The following ACBD6 variants were observed in gnomAD, a reference collection of about 807,000 sequenced individuals.
ACBD6 encodes acyl-CoA-binding domain-containing protein 6.
In ACBD6, 28 loss-of-function variants were observed where a neutral mutation model predicts 37.2. That is an observed-to-expected ratio of 0.75 (90% CI 0.56 to 1.03). ACBD6 has a LOEUF of 1.03. Among genes scored for constraint, ACBD6 ranks in the 50% least tolerant of loss-of-function variants. The pLI is 0.00. For missense variants in ACBD6, 340 were observed against 337.4 expected, an observed-to-expected ratio of 1.01 and a Z score of -0.06; for synonymous variants, 113 against 126.8, an observed-to-expected ratio of 0.89 and a Z score of 0.73.
At chr1:180,277,905 C>T (rs1025476022) in intron 9 of ACBD6, 4 of 151,988 alleles carry the variant, frequency 2.6e-5, no homozygotes, top group Middle Eastern at 3.4e-3. Flanking sequence ...AACATGAAAC[C>T]TAGTAAGATA....
At chr1:180,286,121 T>A (rs1018827786), downstream of ACBD6, among the ~76,000 whole-genome samples, 6 of 152,160 alleles carry the variant, frequency 3.9e-5, no homozygotes, top group Non-Finnish European at 7.4e-5. Flanking sequence ...CACAGGGAGA[T>A]GATCTATAGA....
chr1:180,410,968 A>T (rs1284503557), intron 5 of ACBD6, among the ~76,000 whole-genome samples: 1 of 152,200 alleles, frequency 6.6e-6, no homozygotes, highest in Non-Finnish European at 1.5e-5. Context: ...TGATGGGAGG[A>T]GGTCAAAATA....
At chr1:180,469,849 C>T (rs1187021610) in intron 3 of ACBD6, among the ~76,000 whole-genome samples, 3 of 152,090 alleles carry the variant, frequency 2.0e-5, no homozygotes, top group Admixed American at 1.3e-4. Context: ...AGTTAAGTAT[C>T]ATATTTGATA....
In ACBD6 at chr1:180,502,188, C is replaced by G. The variant is rs1395157331; in HGVS notation, c.79G>C (p.Glu27Gln). Residue 27 changes from glutamate (E) to glutamine (Q), a missense_variant, in exon 1 of 8, where the codon GAG (glutamate) becomes CAG (glutamine). Glu to Gln is a conservative substitution (Grantham distance 29). Transcript: ENST00000367595. ...TCAGGGCTATGGGGGAACTCCACCT[C>G]CCCGGAGTCGTCCCCTGAGCTCAGC... ...GELSSGDDSG[E>Q]VEFPHSPEIE... 6.2e-7 allele frequency: 1 copy of G among 1,613,974 alleles called. No individual in the cohort carries two copies. The highest frequency in any genetic ancestry group is 8.5e-7 in the Non-Finnish European group (1 of 1,180,054).
At chr1:180,451,217 C>T (rs969922259) in intron 3 of ACBD6, among the ~76,000 whole-genome samples, 3 of 152,116 alleles carry the variant, frequency 2.0e-5, no homozygotes, top group Non-Finnish European at 4.4e-5. Context: ...ATTTCAGACC[C>T]ACTAGGATGG....
At chr1:180,335,576 A>G (rs1651677979) in intron 6 of ACBD6, among the ~76,000 whole-genome samples, 1 of 152,134 alleles carries the variant, frequency 6.6e-6, no homozygotes. Flanking sequence ...TGTAAAGACC[A>G]TCGAGGCTAT....
intron 3 of ACBD6, among the ~76,000 whole-genome samples, chr1:180,447,901 C>CAA (rs763612989): frequency 7.1e-6 from 1 of 140,886 alleles, no homozygotes; most frequent in Non-Finnish European, 1.6e-5. Flanking sequence ...CTCATGTGTA[C>CAA]AAAAAAAAAA....
intron 6 of ACBD6, among the ~76,000 whole-genome samples, chr1:180,378,285 T>TA (rs1653513937): frequency 6.6e-6 from 1 of 152,106 alleles, no homozygotes; most frequent in South Asian, 2.1e-4. Context: ...ACAAACTAAT[T>TA]AGTTATCTTC....
intron 7 of ACBD6, among the ~76,000 whole-genome samples, chr1:180,312,395 T>TA (rs1033862643): frequency 3.3e-5 from 5 of 152,158 alleles, no homozygotes; most frequent in Non-Finnish European, 7.4e-5. Context: ...AGAATAAACT[T>TA]AAAAAAACTA....
chr1:180,395,832 C>G (rs577497255), intron 6 of ACBD6, among the ~76,000 whole-genome samples: 21 of 152,302 alleles, frequency 1.4e-4, no homozygotes, highest in Middle Eastern at 3.4e-3. Context: ...AAAGCAGGGA[C>G]TTGAACAGAC....
At chr1:180,406,762 A>G (rs1049932561) in intron 5 of ACBD6, among the ~76,000 whole-genome samples, 4 of 152,194 alleles carry the variant, frequency 2.6e-5, no homozygotes, top group Admixed American at 1.3e-4. Context: ...CTGCTGAATT[A>G]AGATTTTAAG....
At position 180,372,623 on chromosome 1, in the gene ACBD6, A is replaced by G. The variant is rs1653301168; in HGVS notation, c.663+24893T>C. Among the ~76,000 whole-genome samples the G allele has an allele frequency of 2.0e-5, 3 of 152,200 alleles. No homozygotes were observed. The South Asian group carries it at 6.2e-4, about 31-fold the overall frequency. On this transcript the variant is annotated intron_variant, in intron 6 of 7. Coordinates refer to ENST00000367595, the MANE Select transcript of ACBD6 (RefSeq NM_032360.4). The stretch of plus-strand genomic sequence containing the variant: ...CAACGTCGCAAATCCTTTGGATTTT[A>G]CCGGCAATGTGAGAGAAGCTCCTCT...
chr1:180,413,988 G>A (rs374377664), intron 4 of ACBD6, among the ~76,000 whole-genome samples: 1 of 152,188 alleles, frequency 6.6e-6, no homozygotes, highest in South Asian at 2.1e-4. Context: ...GGTGGAATAA[G>A]AGCTAGAACT....
At chr1:180,288,838 C>A (rs1649587396) in intron 7 of ACBD6, among the ~76,000 whole-genome samples, 1 of 152,060 alleles carries the variant, frequency 6.6e-6, no homozygotes, top group African/African-American at 2.4e-5. Context: ...ATTTAAGTAT[C>A]TATTTTACTT....
chr1:180,422,365 A>C (rs1179460910), intron 4 of ACBD6, among the ~76,000 whole-genome samples: 3 of 151,948 alleles, frequency 2.0e-5, no homozygotes, highest in Non-Finnish European at 4.4e-5. Flanking sequence ...ACCACCACTC[A>C]CGGCTAATTT....
chr1:180,303,232 A>C lies in ACBD6; in HGVS notation c.694+11460T>G, dbSNP rs1045167938. 1.3e-4 allele frequency among the ~76,000 whole-genome samples: 20 copies of C among 150,444 alleles called. 1 individual carries two copies. The highest frequency in any genetic ancestry group is 4.0e-4 in the Admixed American group (6 of 15,096). On this transcript the variant is annotated intron_variant, in intron 7 of 7. Transcript: ENST00000367595. ...AGAGCAAACACATTCAAAAGCTAGC[A>C]GAAGGCAAGAAATAACTAAGATCAG...
chr1:180,445,113 CTATTTA>C (rs1246558366), intron 3 of ACBD6, among the ~76,000 whole-genome samples: 1 of 152,068 alleles, frequency 6.6e-6, no homozygotes, highest in Admixed American at 6.5e-5. Context: ...TATTTCATAC[CTATTTA>C]TATTTATACA....
chr1:180,391,723 C>T (rs1209229412), intron 6 of ACBD6, among the ~76,000 whole-genome samples: 3 of 152,056 alleles, frequency 2.0e-5, no homozygotes, highest in Non-Finnish European at 4.4e-5. Context: ...AATGGTGCAG[C>T]CTCTCTGAAA....
At position 180,420,380 on chromosome 1, in the gene ACBD6, C is replaced by T. The variant is rs192179975; in HGVS notation, c.468-6909G>A. 2.3e-3 allele frequency among the ~76,000 whole-genome samples: 343 copies of T among 152,298 alleles called. 2 individuals are homozygous for T. The highest frequency in any genetic ancestry group is 7.1e-3 in the African/African-American group (297 of 41,566). On this transcript the variant is annotated intron_variant, in intron 4 of 7. Transcript: ENST00000367595. ...TTGCTTCAGGCATGACGGTTTTCACCGCCGTTTCTATAATGACAGCATCTC... is the reference window on the plus strand; with the variant it reads ...TTGCTTCAGGCATGACGGTTTTCACTGCCGTTTCTATAATGACAGCATCTC...
Sources: allele counts gnomAD v4.1 joint callset (sites outside exome capture counted in the v4.1 genomes callset), GRCh38; gene constraint gnomAD v4.1.1; transcripts MANE v1.5; gene names NCBI Gene and HGNC (gene_info 2026-07-23, HGNC 2026-07-21).